Variants in ESS2 observed in about 807,000 individuals in gnomAD.
ESS2 encodes ess-2 spliceosome associated protein.
Under a neutral mutation model 52.0 loss-of-function variants are expected in ESS2, and 31 were observed. That is an observed-to-expected ratio of 0.60 (90% CI 0.45 to 0.81). The LOEUF is 0.81. Ranked by LOEUF, ESS2 falls within the 30% of genes least tolerant of loss-of-function variation. ESS2 has a pLI of 0.00. For missense variants in ESS2, 602 were observed against 637.2 expected (o/e 0.94, Z 0.59); for synonymous variants, 285 against 259.2 (o/e 1.10, Z -0.95).
chr22:19,134,944 G>A (rs969071644), intron 9 of ESS2, 116 bp downstream of exon 9: 13 of 933,008 alleles, frequency 1.4e-5, no homozygotes, highest in Non-Finnish European at 2.0e-5. Context: ...AGAACCCCGC[G>A]GACCTGCCCT....
In ESS2 at chr22:19,142,801, A is replaced by G. The variant is rs773607550; in HGVS notation, c.229T>C (p.Leu77=). The change falls in exon 2 of 10, where the codon TTG becomes CTG. Residue 77 remains leucine, a synonymous_variant. Coordinates refer to ENST00000252137, the MANE Select transcript of ESS2 (RefSeq NM_022719.3). ...ATGGCAATCTGGCGCATCCGTTCCA[A>G]GTCTCCATTCTCCTCGGCTTCCAGG... ...EYLEAEENGD[L]ERMRQIAIKF... is the part of the protein sequence containing the mutation. The G allele has an allele frequency of 6.2e-7, 1 of 1,614,158 alleles. No homozygotes were observed. The highest frequency in any genetic ancestry group is 8.5e-7 in the Non-Finnish European group (1 of 1,180,044).
chr22:19,130,860 CA>C lies in ESS2; in HGVS notation c.*3335del, dbSNP rs2083499600. On this transcript the variant is annotated 3_prime_UTR_variant, in exon 10 of 10. Coordinates refer to ENST00000252137, the MANE Select transcript of ESS2 (RefSeq NM_022719.3). ...CTGTCTGTGTAACTGGGGTGCTATG[CA>C]GGCCTGTCTGGGTGACTGTCAGGGA... 5.2e-6 allele frequency: 1 copy of C among 193,826 alleles called. No homozygotes were observed. The highest frequency in any genetic ancestry group is 5.6e-5 in the Admixed American group (1 of 17,782). 12.0% of individuals were successfully genotyped at this position (193,826 alleles called of 1,614,324 possible).
At chr22:19,137,777 G>A (rs1350024865) in intron 7 of ESS2, 25 of 985,246 alleles carry the variant, frequency 2.5e-5, no homozygotes, top group Non-Finnish European at 3.0e-5. Flanking sequence ...CACATGCCCT[G>A]GCGTGTGACA....
At position 19,134,208 on chromosome 22, in the gene ESS2, C is replaced by G. The variant is rs929282; in HGVS notation, c.1419G>C (p.Ser473=). Residue 473 remains serine (S), a synonymous_variant, in exon 10 of 10, where the codon TCG becomes TCC. Coordinates refer to ENST00000252137, the MANE Select transcript of ESS2 (RefSeq NM_022719.3). ...CCCAGGCCTGGCTCTAAAAGAAGTC[C>G]GAAGCTTTGCGCCGGGCAGGGAGCT... ...LLQLPARRKA[S]DFF The G allele has an allele frequency of 6.6e-7, 1 of 1,514,020 alleles. No individual in the cohort carries two copies. The highest frequency in any genetic ancestry group is 2.4e-5 in the East Asian group (1 of 42,074). 93.8% of individuals were successfully genotyped at this position (1,514,020 alleles called of 1,614,324 possible). A position where few individuals can be genotyped will look rare whatever the true frequency, so the allele number is the denominator to read the frequency against.
At position 19,132,919 on chromosome 22, in the gene ESS2, TG is replaced by T. The variant is rs1212990753; in HGVS notation, c.*1276del. ...TGACCTGGCCTTGTCCCCAATGCCC[TG>T]GGGCTGGCCAGCTCCAGTGGTCCAC... On this transcript the variant is annotated 3_prime_UTR_variant, in exon 10 of 10. Coordinates refer to ENST00000252137, the MANE Select transcript of ESS2 (RefSeq NM_022719.3). This position sits in a 1 kb window ranked among gnomAD's most constrained non-coding sequence, Gnocchi z 4.2. The T allele has an allele frequency of 1.2e-5, 2 of 167,808 alleles. No individual in the cohort carries two copies. Among genetic ancestry groups the T allele is most frequent in the Admixed American group, 1.1e-4 (2 of 17,622 alleles). 10.4% of individuals were successfully genotyped at this position (167,808 alleles called of 1,614,324 possible).
rs141030556 is a variant in ESS2, at chr22:19,131,823, C to G, written c.*2373G>C. On this transcript the variant is annotated 3_prime_UTR_variant, in exon 10 of 10. Transcript: ENST00000252137. The surrounding 1 kb of genome is among the most constrained non-coding windows in gnomAD (Gnocchi z 5.7). Reference sequence around the variant, plus strand: ...CCACCGGGACCTCAAGTGCGAGAACCTTCTCCTCGACAAGGACTTCAACAT... The same window carrying G: ...CCACCGGGACCTCAAGTGCGAGAACGTTCTCCTCGACAAGGACTTCAACAT... The G allele has an allele frequency of 3.1e-4, 505 of 1,614,182 alleles. No individual in the cohort carries two copies. Among genetic ancestry groups the G allele is most frequent in the Admixed American group, 8.0e-4 (48 of 60,024 alleles).
chr22:19,136,833 G>C (rs114164680), intron 8 of ESS2, among the ~76,000 whole-genome samples: 2,443 of 152,226 alleles, frequency 0.016, 68 homozygotes, highest in African/African-American at 0.056. Context: ...CAGTGGTATG[G>C]GGAGGCCTGT....
chr22:19,139,057 C>G (rs2083635790), intron 6 of ESS2, 102 bp downstream of exon 6: 1 of 1,447,724 alleles, frequency 6.9e-7, no homozygotes, highest in Non-Finnish European at 9.1e-7. Flanking sequence ...TGGTTCCACT[C>G]ACTGAGCTCT....
intron 3 of ESS2, 80 bp from the exon 4 acceptor site, chr22:19,140,104 A>C: frequency 6.5e-7 from 1 of 1,530,692 alleles, no homozygotes; most frequent in Admixed American, 1.7e-5. Flanking sequence ...CAGGAATCAT[A>C]GCCCCCAACA....
chr22:19,137,301 T>C lies in ESS2; in HGVS notation c.1035+22A>G, dbSNP rs1336323929. 1.5e-5 allele frequency: 24 copies of C among 1,582,658 alleles called. No individual in the cohort carries two copies. In the East Asian group the frequency reaches 5.4e-4, roughly 36 times the overall value. Reference sequence around the variant, plus strand: ...AGGTGTCCACCCCGGTCGCACACAGTTCCCCCATCACCACAACCCACCTTA... The same window carrying C: ...AGGTGTCCACCCCGGTCGCACACAGCTCCCCCATCACCACAACCCACCTTA... On this transcript the variant is annotated intron_variant, in intron 8 of 9. Transcript: ENST00000252137.
intron 6 of ESS2, 104 bp from the exon 7 acceptor site, chr22:19,138,421 CAGGGCA>C (rs1315945149): frequency 9.1e-7 from 1 of 1,095,192 alleles, no homozygotes; most frequent in South Asian, 1.3e-5. Flanking sequence ...TTCCTCTCCT[CAGGGCA>C]AGGCTGGGGC....
rs1274587100 is a variant in ESS2, at chr22:19,132,615, T to C, written c.*1581A>G. 1 of 822,018 alleles carries C rather than the reference T, an allele frequency of 1.2e-6. No individual in the cohort carries two copies. The highest frequency in any genetic ancestry group is 2.0e-6 in the Non-Finnish European group (1 of 508,000). 50.9% of individuals were successfully genotyped at this position (822,018 alleles called of 1,614,324 possible). A position where few individuals can be genotyped will look rare whatever the true frequency, so the allele number is the denominator to read the frequency against. ...TAAAATTCGTCAATTAAACCACTAT[T>C]TTGATTACGTTCCATTAGCTTTCTT... On this transcript the variant is annotated 3_prime_UTR_variant, in exon 10 of 10. Transcript: ENST00000252137. This position sits in a 1 kb window ranked among gnomAD's most constrained non-coding sequence, Gnocchi z 4.2.
At chr22:19,141,317 G>A (rs938270709) in intron 3 of ESS2, among the ~76,000 whole-genome samples, 7 of 152,188 alleles carry the variant, frequency 4.6e-5, no homozygotes, top group Non-Finnish European at 1.0e-4. Context: ...CAGCACAGTG[G>A]AGTCTACAAA....
At chr22:19,135,858 T>C (rs1183749761) in intron 8 of ESS2, among the ~76,000 whole-genome samples, 1 of 151,296 alleles carries the variant, frequency 6.6e-6, no homozygotes, top group African/African-American at 2.4e-5. Context: ...CAAGACCTCA[T>C]TTCTACACAC....
At chr22:19,143,095 C>T (rs1458807083) in intron 1 of ESS2, among the ~76,000 whole-genome samples, 2 of 149,276 alleles carry the variant, frequency 1.3e-5, no homozygotes, top group East Asian at 2.0e-4. Flanking sequence ...ATTCCAGCTA[C>T]GTGGGAGGCT....
chr22:19,139,095 A>C, intron 6 of ESS2, 64 bp downstream of exon 6: 1 of 1,530,236 alleles, frequency 6.5e-7, no homozygotes, highest in Non-Finnish European at 8.8e-7. Flanking sequence ...GGGAGAGATC[A>C]TGCCTGCCCC....
intron 8 of ESS2, 43 bp downstream of exon 8, chr22:19,137,280 G>T: frequency 6.9e-7 from 1 of 1,452,084 alleles, no homozygotes; most frequent in Non-Finnish European, 9.5e-7. Flanking sequence ...CTCCAGAGGT[G>T]TCCACCCCGG....
chr22:19,140,073 A>G, intron 3 of ESS2, 49 bp from the exon 4 acceptor site: 1 of 1,598,088 alleles, frequency 6.3e-7, no homozygotes, highest in South Asian at 1.1e-5. Flanking sequence ...TGCAGTCAGG[A>G]AAGAGGAGGA....
rs745952527 is a variant in ESS2 at position 19,134,221 on chromosome 22, C to T, written c.1406G>A (p.Arg469Gln). The T allele has an allele frequency of 7.9e-6, 12 of 1,523,442 alleles. No homozygotes were observed. The highest frequency in any genetic ancestry group is 3.8e-5 in the South Asian group (3 of 78,412). The allele number at this position is 1,523,442 out of a possible 1,614,324, so 94.4% of individuals were successfully genotyped here. ...CTAAAAGAAGTCCGAAGCTTTGCGC[C>T]GGGCAGGGAGCTGCAGCAGGTTGTC... ...ITDNLLQLPA[R>Q]RKASDFF Residue 469 changes from arginine to glutamine, a missense_variant, in exon 10 of 10, where the codon CGG becomes CAG. By Grantham distance (43) the Arg-to-Gln change is conservative. Transcript: ENST00000252137.
Sources: gnomAD v4.1 joint callset for allele counts (sites outside exome capture counted in the v4.1 genomes callset) on GRCh38, gnomAD v4.1.1 for gene constraint, Gnocchi (gnomAD v3.1) non-coding constraint, MANE v1.5 for transcripts, NCBI Gene and HGNC (gene_info 2026-07-23, HGNC 2026-07-21) for gene names.